The following RBMS3 variants were observed in gnomAD, a reference collection of about 807,000 sequenced individuals.
The protein encoded by RBMS3 is RNA-binding motif, single-stranded-interacting protein 3.
A neutral mutation model predicts 66.8 loss-of-function variants in RBMS3; 27 were observed. That is an observed-to-expected ratio of 0.40 (90% CI 0.30 to 0.56). The LOEUF (loss-of-function observed/expected upper bound fraction) is 0.56. RBMS3 is among the 20% of genes least tolerant of loss of function. RBMS3 has a pLI of 0.40. For synonymous variants in RBMS3, 188 were observed against 183.0 expected, an observed-to-expected ratio of 1.03 and a Z score of -0.22; for missense variants, 513 against 549.5, an observed-to-expected ratio of 0.93 and a Z score of 0.66.
At chr3:29,953,283 CA>C (rs1292114615) in intron 12 of RBMS3, among the ~76,000 whole-genome samples, 2 of 151,848 alleles carry the variant, frequency 1.3e-5, no homozygotes, top group African/African-American at 4.8e-5. Flanking sequence ...GGCAAAGATG[CA>C]GCCGTCATTA....
chr3:29,698,589 T>G (rs2052384763), intron 4 of RBMS3: 1 of 985,412 alleles, frequency 1.0e-6, no homozygotes. Context: ...GAAGAGAATT[T>G]GGGCATGTCT....
chr3:29,498,145 C>T (rs1397513083), intron 3 of RBMS3, among the ~76,000 whole-genome samples: 1 of 151,514 alleles, frequency 6.6e-6, no homozygotes, highest in African/African-American at 2.4e-5. Flanking sequence ...CAGTCATGCA[C>T]CACCATGCCC....
rs551425177 is a variant in RBMS3, at chr3:29,394,659, C to T, written c.76-40084C>T. ...AATCTTCACAATTTATGTTCTTTGC[C>T]GCAGCTTCAGCCGGTACCTCCTTTC... On this transcript the variant is annotated intron_variant, in intron 1 of 14. Transcript: ENST00000383767. 4.7e-4 allele frequency among the ~76,000 whole-genome samples: 72 copies of T among 152,244 alleles called. 1 individual carries two copies. Among genetic ancestry groups the T allele is most frequent in the South Asian group, 3.9e-3 (19 of 4,818 alleles).
intron 12 of RBMS3, among the ~76,000 whole-genome samples, chr3:29,954,499 T>G (rs1695892942): frequency 6.6e-6 from 1 of 152,012 alleles, no homozygotes; most frequent in Admixed American, 6.6e-5. Context: ...GTTAGAGTCT[T>G]TGACAGTAGC....
At chr3:29,535,506 TA>T (rs2045519179) in intron 3 of RBMS3, among the ~76,000 whole-genome samples, 1 of 152,072 alleles carries the variant, frequency 6.6e-6, no homozygotes, top group Non-Finnish European at 1.5e-5. Context: ...TTCTCCTGAT[TA>T]ACTTTTTCTA....
At chr3:29,758,732 G>A (rs1245050736) in intron 5 of RBMS3, among the ~76,000 whole-genome samples, 1 of 152,144 alleles carries the variant, frequency 6.6e-6, no homozygotes, top group Non-Finnish European at 1.5e-5. Flanking sequence ...CCGTTACAAT[G>A]GATTAAGAAG....
At chr3:29,741,127 T>G (rs573587982) in intron 5 of RBMS3, among the ~76,000 whole-genome samples, 137 of 152,302 alleles carry the variant, frequency 9.0e-4, no homozygotes, top group Non-Finnish European at 1.4e-3. Context: ...ATATGTTAAC[T>G]AATCTCTAAC....
At chr3:29,767,773 C>CAATTTATATTA (rs1442342511) in intron 6 of RBMS3, among the ~76,000 whole-genome samples, 3 of 151,796 alleles carry the variant, frequency 2.0e-5, no homozygotes, top group African/African-American at 7.3e-5. Context: ...TATTTAAATG[C>CAATTTATATTA]AATTTATCTT....
rs533106652 is a variant in RBMS3, at chr3:29,497,397, G to A, written c.307+8898G>A. ...GTTACATTACTTTCACCCGTAAACC[G>A]AATGTTACTTTTACTAATCCATGTT... On this transcript the variant is annotated intron_variant, in intron 3 of 14. Transcript: ENST00000383767. 5.3e-5 allele frequency among the ~76,000 whole-genome samples: 8 copies of A among 152,252 alleles called. No homozygotes were observed. The South Asian group carries it at 6.2e-4, about 12-fold the overall frequency.
chr3:29,708,961 C>G (rs2053033369), intron 4 of RBMS3, among the ~76,000 whole-genome samples: 1 of 152,130 alleles, frequency 6.6e-6, no homozygotes, highest in Admixed American at 6.5e-5. Flanking sequence ...CCATATCCAA[C>G]AACTGATCAG....
intron 10 of RBMS3, among the ~76,000 whole-genome samples, chr3:29,933,443 C>T (rs1384667665): frequency 6.6e-6 from 1 of 151,484 alleles, no homozygotes. Flanking sequence ...CTGTCCCAGA[C>T]AAAGTATCAT....
chr3:29,669,152 G>T (rs1306603477), intron 4 of RBMS3, among the ~76,000 whole-genome samples: 1 of 152,224 alleles, frequency 6.6e-6, no homozygotes, highest in Non-Finnish European at 1.5e-5. Context: ...CCAGCCTGTG[G>T]TGTGGAGTGT....
chr3:29,719,415 T>G (rs2053542403), intron 4 of RBMS3, among the ~76,000 whole-genome samples: 1 of 152,174 alleles, frequency 6.6e-6, no homozygotes, highest in South Asian at 2.1e-4. Context: ...ATGTTCATTT[T>G]TTTTACTTGC....
At chr3:29,290,675 T>C (rs1355573394) in intron 1 of RBMS3, 2 of 151,896 alleles carry the variant, frequency 1.3e-5, no homozygotes, top group Admixed American at 1.3e-4. Context: ...CTTTATTATT[T>C]ACCTGTTTAG....
intron 12 of RBMS3, among the ~76,000 whole-genome samples, chr3:29,960,555 C>T (rs774395272): frequency 1.7e-4 from 26 of 152,188 alleles, no homozygotes; most frequent in Non-Finnish European, 3.5e-4. Flanking sequence ...GAACTCGCAC[C>T]CCACATTTCC....
intron 6 of RBMS3, among the ~76,000 whole-genome samples, chr3:29,816,741 A>G (rs1284745720): frequency 6.6e-6 from 1 of 152,190 alleles, no homozygotes; most frequent in African/African-American, 2.4e-5. Flanking sequence ...TTGTGAGTCA[A>G]AACAGTTGGC....
chr3:29,648,261 C>CTTTTTTT (rs1576434694), intron 4 of RBMS3, among the ~76,000 whole-genome samples: 1 of 88,142 alleles, frequency 1.1e-5, no homozygotes, highest in African/African-American at 4.9e-5. Context: ...TAGAAAATGT[C>CTTTTTTT]TATTTTTTTT....
intron 12 of RBMS3, among the ~76,000 whole-genome samples, chr3:29,946,507 G>A (rs1695323184): frequency 6.6e-6 from 1 of 151,636 alleles, no homozygotes; most frequent in African/African-American, 2.4e-5. Context: ...ACAAAGATGA[G>A]CAGAAAATAG....
At chr3:29,869,880 C>T (rs1487108871) in intron 7 of RBMS3, among the ~76,000 whole-genome samples, 1 of 152,148 alleles carries the variant, frequency 6.6e-6, no homozygotes, top group African/African-American at 2.4e-5. Context: ...CTTGATGTAG[C>T]ATTTTACACT....
Sources: gnomAD v4.1 joint callset for allele counts (sites outside exome capture counted in the v4.1 genomes callset) on GRCh38, gnomAD v4.1.1 for gene constraint, MANE v1.5 for transcripts, NCBI Gene and HGNC (gene_info 2026-07-23, HGNC 2026-07-21) for gene names.